CAMTA1: variants seen among roughly 807,000 people sequenced by gnomAD.
CAMTA1 encodes calmodulin-binding transcription activator 1.
In CAMTA1, 27 loss-of-function variants were observed where a neutral mutation model predicts 170.9. That is an observed-to-expected ratio of 0.16 (90% CI 0.12 to 0.22). The LOEUF is 0.22. Among genes scored for constraint, CAMTA1 ranks in the 10% least tolerant of loss-of-function variants. CAMTA1 has a pLI of 1.00. For synonymous variants in CAMTA1, 833 were observed against 891.5 expected (o/e 0.93, Z 1.17); for missense variants, 1,619 against 2,217.2 (o/e 0.73, Z 5.42).
intron 6 of CAMTA1, among the ~76,000 whole-genome samples, chr1:7,615,371 T>G (rs1336043144): frequency 6.6e-6 from 1 of 152,202 alleles, no homozygotes; most frequent in Non-Finnish European, 1.5e-5. Context: ...GAAGTATATA[T>G]ATGGCATAGT....
chr1:7,346,463 G>A (rs917873709), intron 5 of CAMTA1, among the ~76,000 whole-genome samples: 3 of 152,140 alleles, frequency 2.0e-5, no homozygotes, highest in Non-Finnish European at 2.9e-5. Flanking sequence ...AGCCTAAAAT[G>A]TAAACAGCTG....
chr1:6,966,754 G>A (rs1691623454), intron 3 of CAMTA1, among the ~76,000 whole-genome samples: 1 of 151,258 alleles, frequency 6.6e-6, no homozygotes, highest in African/African-American at 2.4e-5. Context: ...GGGATTATAG[G>A]CACATGCTGG....
chr1:7,423,469 CAAAAAAAAAAA>C (rs1016382434), intron 5 of CAMTA1, among the ~76,000 whole-genome samples: 4 of 47,890 alleles, frequency 8.4e-5, no homozygotes, highest in East Asian at 6.2e-4. Context: ...AACTCCATCT[CAAAAAAAAAAA>C]AAAAAAAAAA....
At position 7,681,292 on chromosome 1, in the gene CAMTA1, T is replaced by G. The variant is rs1218131751; in HGVS notation, c.2914+3559T>G. Among the ~76,000 whole-genome samples the G allele has an allele frequency of 6.6e-6, 1 of 152,152 alleles. No individual in the cohort carries two copies. The highest frequency in any genetic ancestry group is 1.5e-5 in the Non-Finnish European group (1 of 68,000). On this transcript the variant is annotated intron_variant, in intron 11 of 22. Coordinates refer to ENST00000303635, the MANE Select transcript of CAMTA1 (RefSeq NM_015215.4). The surrounding 1 kb of genome is among the most constrained non-coding windows in gnomAD (Gnocchi z 4.6). ...ACACGTGAATGAGTGCAGGAGGGACTGTCAAAAAGCTGAATCCAACTAGTG... is the reference window on the plus strand; with the variant it reads ...ACACGTGAATGAGTGCAGGAGGGACGGTCAAAAAGCTGAATCCAACTAGTG...
At chr1:7,344,838 C>T (rs2084107852) in intron 5 of CAMTA1, among the ~76,000 whole-genome samples, 1 of 151,412 alleles carries the variant, frequency 6.6e-6, no homozygotes, top group Non-Finnish European at 1.5e-5. Flanking sequence ...AGCTCTGCCT[C>T]CTGGGTTCAT....
chr1:6,796,322 G>A (rs528253857), intron 1 of CAMTA1, among the ~76,000 whole-genome samples: 3 of 151,846 alleles, frequency 2.0e-5, no homozygotes, highest in African/African-American at 7.2e-5. Flanking sequence ...ATTTTTTGCG[G>A]AGATGGAGTT....
chr1:7,618,774 T>A (rs2095577303), intron 6 of CAMTA1, among the ~76,000 whole-genome samples: 1 of 152,156 alleles, frequency 6.6e-6, no homozygotes, highest in South Asian at 2.1e-4. Flanking sequence ...ATTATGAGAA[T>A]GAGATAATTA....
chr1:7,548,756 T>G (rs1373768114), intron 6 of CAMTA1, among the ~76,000 whole-genome samples: 1 of 79,106 alleles, frequency 1.3e-5, no homozygotes, highest in African/African-American at 4.0e-5. Flanking sequence ...GCAGGGTTCC[T>G]CTTAGAGGTG....
chr1:7,233,382 C>T (rs547441399), intron 4 of CAMTA1, among the ~76,000 whole-genome samples: 18 of 152,264 alleles, frequency 1.2e-4, no homozygotes, highest in African/African-American at 4.3e-4. Flanking sequence ...CTTACGTGAC[C>T]TGGCTGCACC....
intron 3 of CAMTA1, among the ~76,000 whole-genome samples, chr1:6,991,333 G>T (rs1357375647): frequency 2.0e-5 from 3 of 152,038 alleles, no homozygotes; most frequent in Admixed American, 1.3e-4. Flanking sequence ...TAAAGTGGTT[G>T]TACCATTTCC....
intron 4 of CAMTA1, among the ~76,000 whole-genome samples, chr1:7,140,788 TG>T (rs1335418831): frequency 1.3e-5 from 2 of 152,222 alleles, no homozygotes; most frequent in Non-Finnish European, 2.9e-5. Context: ...GGTAGGCAGA[TG>T]TACCGGTATG....
At chr1:7,219,860 A>AC (rs1214563236) in intron 4 of CAMTA1, among the ~76,000 whole-genome samples, 1 of 152,028 alleles carries the variant, frequency 6.6e-6, no homozygotes, top group Admixed American at 6.5e-5. Flanking sequence ...ACACAGGGAG[A>AC]CCCCATCTCT....
chr1:7,364,065 C>A (rs898369007), intron 5 of CAMTA1, among the ~76,000 whole-genome samples: 1 of 152,206 alleles, frequency 6.6e-6, no homozygotes, highest in African/African-American at 2.4e-5. Flanking sequence ...TGGGTTAGAA[C>A]AGATTTTTCA....
At chr1:7,401,297 T>G (rs567387005) in intron 5 of CAMTA1, among the ~76,000 whole-genome samples, 3 of 152,354 alleles carry the variant, frequency 2.0e-5, no homozygotes, top group Non-Finnish European at 4.4e-5. Context: ...CCTTTGCACT[T>G]TTGTTGAAAA....
intron 6 of CAMTA1, among the ~76,000 whole-genome samples, chr1:7,614,901 G>A (rs115939263): frequency 6.6e-6 from 1 of 152,170 alleles, no homozygotes; most frequent in African/African-American, 2.4e-5. Flanking sequence ...GATACTGCTG[G>A]GGGGAGGGTA....
rs370735866 is a variant in CAMTA1, at chr1:7,182,430, G to A, written c.303-67061G>A. ...ATCACCTGAGCCTGGGGAGGTCGAG[G>A]CTGCAGTGAACCGTGATCGTGCCAC... On this transcript the variant is annotated intron_variant, in intron 4 of 22. Transcript: ENST00000303635. Among the ~76,000 whole-genome samples the A allele has an allele frequency of 5.9e-5, 9 of 151,654 alleles. No homozygotes were observed. The East Asian group carries it at 1.4e-3, about 23-fold the overall frequency.
At chr1:7,428,508 A>T (rs1406545974) in intron 5 of CAMTA1, among the ~76,000 whole-genome samples, 1 of 152,122 alleles carries the variant, frequency 6.6e-6, no homozygotes, top group African/African-American at 2.4e-5. Context: ...TTCCCGGAGC[A>T]CATAGAGTCA....
chr1:7,516,267 CTTAA>C (rs2094284911), intron 6 of CAMTA1, among the ~76,000 whole-genome samples: 1 of 152,238 alleles, frequency 6.6e-6, no homozygotes, highest in Non-Finnish European at 1.5e-5. Flanking sequence ...TCATTAGATG[CTTAA>C]TTAGTGTGGG....
chr1:7,134,989 C>T (rs1441666417), intron 4 of CAMTA1, among the ~76,000 whole-genome samples: 1 of 152,000 alleles, frequency 6.6e-6, no homozygotes, highest in Non-Finnish European at 1.5e-5. Flanking sequence ...ATACAAGTGG[C>T]CAAAACACAT....
Sources: allele counts gnomAD v4.1 joint callset (sites outside exome capture counted in the v4.1 genomes callset), GRCh38; gene constraint gnomAD v4.1.1; non-coding constraint Gnocchi (gnomAD v3.1); transcripts MANE v1.5; gene names NCBI Gene and HGNC (gene_info 2026-07-23, HGNC 2026-07-21).